Variants in NOD1 observed in about 807,000 individuals in gnomAD.
NOD1 encodes nucleotide binding oligomerization domain containing 1.
Under a neutral mutation model 81.2 loss-of-function variants are expected in NOD1, and 70 were observed. The ratio of observed to expected loss-of-function variants is 0.86; its 90% CI spans 0.71 to 1.05. The LOEUF (loss-of-function observed/expected upper bound fraction) is 1.05. NOD1 is among the 50% of genes least tolerant of loss of function. NOD1 has a pLI of 0.00. For synonymous variants in NOD1, 508 were observed against 526.9 expected (o/e 0.96, Z 0.49); for missense variants, 1,233 against 1,228.0 (o/e 1.00, Z -0.06).
intron 10 of NOD1, among the ~76,000 whole-genome samples, chr7:30,437,068 T>C (rs1481393433): frequency 6.6e-6 from 1 of 152,186 alleles, no homozygotes; most frequent in Non-Finnish European, 1.5e-5. Context: ...GATCATGTCC[T>C]TTGCTGGCAC....
rs1478323973 is a variant in NOD1 at position 30,425,448 on chromosome 7, T to G, written c.*190A>C. On this transcript the variant is annotated 3_prime_UTR_variant, in exon 14 of 14. Coordinates refer to ENST00000222823, the MANE Select transcript of NOD1 (RefSeq NM_006092.4). ...GACACATTCTTTTTCTGCAGAATTG[T>G]AGCGGGTACTTAGGGAGTTTGCCGA... 1 of 609,088 alleles carries G rather than the reference T, an allele frequency of 1.6e-6. No homozygotes were observed. The highest frequency in any genetic ancestry group is 2.9e-6 in the Non-Finnish European group (1 of 339,016). 37.7% of individuals were successfully genotyped at this position (609,088 alleles called of 1,614,324 possible). A position where few individuals can be genotyped will look rare whatever the true frequency, so the allele number is the denominator to read the frequency against.
At position 30,467,339 on chromosome 7, in the gene NOD1, G is replaced by A. The variant is rs547422482; in HGVS notation, c.-351-7298C>T. ...CAGGAGTAGGGTAGGACTTTTATTC[G>A]TAATGTTTTTTTTTTTATAAGAAGG... On this transcript the variant is annotated intron_variant, in intron 1 of 13. Coordinates refer to ENST00000222823, the MANE Select transcript of NOD1 (RefSeq NM_006092.4). This position sits in a 1 kb window ranked among gnomAD's most constrained non-coding sequence, Gnocchi z 4.5. Among the ~76,000 whole-genome samples the A allele has an allele frequency of 7.1e-6, 1 of 141,842 alleles. No homozygotes were observed. Among genetic ancestry groups the A allele is most frequent in the African/African-American group, 2.5e-5 (1 of 40,606 alleles). 93.1% of individuals were successfully genotyped at this position (141,842 alleles called of 152,430 possible).
Position 30,452,182 on chromosome 7 carries a change from G to A in NOD1, c.1235C>T (p.Pro412Leu). 1 of 1,613,976 alleles carries A rather than the reference G, an allele frequency of 6.2e-7. No homozygotes were observed. ...QHFRAAFEGS[P>L]QLPDCTMTLT... ...GGTCATCGTGCAGTCGGGCAGCTGT[G>A]GTGAGCCTTCAAAGGCAGCACGGAA... Residue 412 changes from proline to leucine, a missense_variant, in exon 6 of 14, where the codon CCA becomes CTA. By Grantham distance (98) the Pro-to-Leu change is moderately conservative. Transcript: ENST00000222823.
intron 1 of NOD1, among the ~76,000 whole-genome samples, chr7:30,460,943 C>G (rs564694020): frequency 6.6e-6 from 1 of 152,272 alleles, no homozygotes; most frequent in South Asian, 2.1e-4. Context: ...TTCAGGGAAG[C>G]TGCTCTGGTG....
intron 4 of NOD1, 91 bp downstream of exon 4, chr7:30,456,630 T>G: frequency 8.5e-7 from 1 of 1,170,292 alleles, no homozygotes; most frequent in Non-Finnish European, 1.3e-6. Flanking sequence ...TGGACTAAAC[T>G]CCCACGCTCT....
chr7:30,452,612 A>G lies in NOD1; in HGVS notation c.805T>C (p.Phe269Leu). The G allele has an allele frequency of 6.2e-7, 1 of 1,613,736 alleles. No individual in the cohort carries two copies. Among genetic ancestry groups the G allele is most frequent in the Non-Finnish European group, 8.5e-7 (1 of 1,180,032 alleles). ...CYPERDPEEV[F>L]AFLLRFPHVA... is the part of the protein sequence containing the mutation. ...TGGGGGAAGCGCAGCAGGAAGGCAA[A>G]CACCTCCTCGGGGTCCCGCTCTGGG... The change falls in exon 6 of 14, where the codon TTT (phenylalanine) becomes CTT (leucine). Residue 269 changes from phenylalanine (F) to leucine (L), a missense_variant. Phe to Leu is a conservative substitution (Grantham distance 22, BLOSUM62 0). Transcript: ENST00000222823.
At chr7:30,455,853 C>T (rs149725417) in intron 4 of NOD1, among the ~76,000 whole-genome samples, 3 of 152,286 alleles carry the variant, frequency 2.0e-5, no homozygotes, top group East Asian at 1.9e-4. Flanking sequence ...CTGCCTGCCT[C>T]GGCCTCCCAA....
chr7:30,449,288 T>C (rs192365891), intron 6 of NOD1, among the ~76,000 whole-genome samples: 7 of 152,316 alleles, frequency 4.6e-5, no homozygotes. Context: ...TGTATGTACA[T>C]GGCATGGCCA....
intron 1 of NOD1, among the ~76,000 whole-genome samples, chr7:30,466,695 C>G (rs372359475): frequency 1.6e-4 from 24 of 152,104 alleles, no homozygotes; most frequent in African/African-American, 5.8e-4. Context: ...AAAAAACCTT[C>G]GTTGTCTGAG....
chr7:30,429,523 G>A (rs1434636993), intron 12 of NOD1, 66 bp from the exon 13 acceptor site: 7 of 1,386,370 alleles, frequency 5.0e-6, no homozygotes, highest in African/African-American at 4.3e-5. Flanking sequence ...CTTCGTAAGG[G>A]AGTTGCAAGG....
intron 1 of NOD1, among the ~76,000 whole-genome samples, chr7:30,470,822 A>G (rs974742087): frequency 6.6e-6 from 1 of 152,216 alleles, no homozygotes; most frequent in Admixed American, 6.5e-5. Flanking sequence ...GCCAGCAGAA[A>G]ACAACAGAGC....
chr7:30,475,530 C>A (rs534922287), intron 1 of NOD1, among the ~76,000 whole-genome samples: 1 of 152,162 alleles, frequency 6.6e-6, no homozygotes, highest in Non-Finnish European at 1.5e-5. Flanking sequence ...TACAAAATTG[C>A]CTTGTTGGCT....
At position 30,467,626 on chromosome 7, in the gene NOD1, G is replaced by A. The variant is rs1360295571; in HGVS notation, c.-351-7585C>T. ...TGTAAATCAATAAAAAGCTCTTCCT[G>A]TTTTGTGAAAGTATCACAATAAATC... On this transcript the variant is annotated intron_variant, in intron 1 of 13. Coordinates refer to ENST00000222823, the MANE Select transcript of NOD1 (RefSeq NM_006092.4). This position sits in a 1 kb window ranked among gnomAD's most constrained non-coding sequence, Gnocchi z 4.5. 2.6e-5 allele frequency among the ~76,000 whole-genome samples: 4 copies of A among 152,186 alleles called. No individual in the cohort carries two copies. Among genetic ancestry groups the A allele is most frequent in the Non-Finnish European group, 5.9e-5 (4 of 68,030 alleles).
At chr7:30,437,495 G>T (rs1229717277) in intron 10 of NOD1, 78 bp downstream of exon 10, 32 of 906,746 alleles carry the variant, frequency 3.5e-5, no homozygotes, top group Non-Finnish European at 5.1e-5. Flanking sequence ...TTAGGAGCAC[G>T]AATCACCCTT....
intron 11 of NOD1, among the ~76,000 whole-genome samples, chr7:30,435,125 C>T (rs1377308198): frequency 2.0e-5 from 3 of 152,098 alleles, no homozygotes; most frequent in African/African-American, 4.8e-5. Flanking sequence ...CAAAATAAAA[C>T]ATTAAGTGGC....
At chr7:30,459,094 G>A (rs931945974) in intron 3 of NOD1, 58 bp downstream of exon 3, 4 of 152,422 alleles carry the variant, frequency 2.6e-5, no homozygotes, top group Admixed American at 6.6e-5. Flanking sequence ...TTAGAAAATC[G>A]GTTCATTTAA....
chr7:30,446,095 C>CG lies in NOD1; in HGVS notation c.2453+45_2453+46insC, dbSNP rs759946927. On this transcript the variant is annotated intron_variant, in intron 9 of 13. Transcript: ENST00000222823. ...AAAGAACAGCAAGGCCCGCCCCCCACACACACAGCAGGTTGTACCACATAC... is the reference window on the plus strand; with the variant it reads ...AAAGAACAGCAAGGCCCGCCCCCCACGACACACAGCAGGTTGTACCACATAC... The CG allele has an allele frequency of 5.4e-5, 77 of 1,435,558 alleles. 2 individuals are homozygous for CG. Among genetic ancestry groups the CG allele is most frequent in the Non-Finnish European group, 7.6e-5 (77 of 1,017,512 alleles). 88.9% of individuals were successfully genotyped at this position (1,435,558 alleles called of 1,614,324 possible). A position where few individuals can be genotyped will look rare whatever the true frequency, so the allele number is the denominator to read the frequency against.
At position 30,452,482 on chromosome 7, in the gene NOD1, A is replaced by G; in HGVS notation, c.935T>C (p.Val312Ala). 1.2e-6 allele frequency: 2 copies of G among 1,613,254 alleles called. No homozygotes were observed. The highest frequency in any genetic ancestry group is 1.7e-6 in the Non-Finnish European group (2 of 1,179,936). ...SCPWEPAHPL[V>A]LLANLLSGKL... is the part of the protein sequence containing the mutation. ...CCCACTGAGCAGGTTGGCCAGCAAG[A>G]CCAGGGGGTGGGCAGGCTCCCAGGG... The change falls in exon 6 of 14, where the codon GTC becomes GCC. Residue 312 changes from valine to alanine, a missense_variant. Coordinates refer to ENST00000222823, the MANE Select transcript of NOD1 (RefSeq NM_006092.4).
chr7:30,425,556 A>G lies in NOD1; in HGVS notation c.*82T>C, dbSNP rs955647697. On this transcript the variant is annotated 3_prime_UTR_variant, in exon 14 of 14. Transcript: ENST00000222823. ...TCCCGCCTGCGCAGGCCCCTTTAAG[A>G]CACTGACACAAAAGACTGCCCAGAG... 51 of 993,942 alleles carry G rather than the reference A, an allele frequency of 5.1e-5. No individual in the cohort carries two copies. Among genetic ancestry groups the G allele is most frequent in the Middle Eastern group, 2.1e-4 (1 of 4,862 alleles). 61.6% of individuals were successfully genotyped at this position (993,942 alleles called of 1,614,324 possible).
Sources: gnomAD v4.1 joint callset for allele counts (sites outside exome capture counted in the v4.1 genomes callset) on GRCh38, gnomAD v4.1.1 for gene constraint, Gnocchi (gnomAD v3.1) non-coding constraint, MANE v1.5 for transcripts, NCBI Gene and HGNC (gene_info 2026-07-23, HGNC 2026-07-21) for gene names.